Variants in NPFFR2 observed in about 807,000 individuals in gnomAD.
NPFFR2 encodes G-protein coupled receptor 74.
NPFFR2 carries 15 observed loss-of-function variants against 13.1 expected under a neutral mutation model. The observed-to-expected ratio is 1.15, with a 90% CI of 0.77 to 1.76. The LOEUF (loss-of-function observed/expected upper bound fraction) is 1.76, where lower values mean the gene tolerates loss of function less well. Among genes scored for constraint, NPFFR2 ranks in the 40% most tolerant of loss-of-function variants. NPFFR2 has a pLI of 0.00. For missense variants in NPFFR2, 572 were observed against 503.5 expected (o/e 1.14, Z -1.30); for synonymous variants, 190 against 175.7 (o/e 1.08, Z -0.65).
At chr4:72,061,509 G>A (rs7678974) in intron 1 of NPFFR2, among the ~76,000 whole-genome samples, 135,623 of 152,100 alleles carry the variant, frequency 0.89, 61,570 homozygotes, top group Non-Finnish European at 0.98. Flanking sequence ...TTGGCAGGGT[G>A]CCCAATTTCT....
intron 1 of NPFFR2, among the ~76,000 whole-genome samples, chr4:72,040,734 T>C (rs1719185533): frequency 6.6e-6 from 1 of 151,966 alleles, no homozygotes; most frequent in South Asian, 2.1e-4. Context: ...TTATATTAAA[T>C]TGATATGTTA....
At chr4:72,123,962 G>A (rs1721965998) in intron 1 of NPFFR2, among the ~76,000 whole-genome samples, 8 of 152,190 alleles carry the variant, frequency 5.3e-5, no homozygotes. Flanking sequence ...TAGGAAAGGA[G>A]GAAGTCAAAT....
rs138610130 is a variant in NPFFR2, at chr4:72,113,305, G to C, written c.-7-15280G>C. On this transcript the variant is annotated intron_variant, in intron 1 of 3. Coordinates refer to ENST00000308744, the MANE Select transcript of NPFFR2 (RefSeq NM_004885.3). ...TTATAAGCAATACATAGATTTTATT[G>C]TTCTTTGCTTGAAGGGAACTTATAG... Among the ~76,000 whole-genome samples the C allele has an allele frequency of 2.0e-5, 3 of 152,058 alleles. No individual in the cohort carries two copies. In the East Asian group the frequency reaches 5.8e-4, roughly 29 times the overall value.
intron 1 of NPFFR2, among the ~76,000 whole-genome samples, chr4:72,062,609 G>A (rs1719951499): frequency 6.6e-6 from 1 of 151,600 alleles, no homozygotes; most frequent in African/African-American, 2.4e-5. Flanking sequence ...CTTGCATAAA[G>A]ACGTGAAATC....
chr4:72,046,812 A>G (rs919872235), intron 1 of NPFFR2, among the ~76,000 whole-genome samples: 1 of 152,166 alleles, frequency 6.6e-6, no homozygotes, highest in Non-Finnish European at 1.5e-5. Context: ...AGATTACATA[A>G]GGGGTGGTGA....
Position 72,147,166 on chromosome 4 carries a change from G to T in NPFFR2, c.617G>T (p.Cys206Phe), listed in dbSNP as rs1722807515. The T allele has an allele frequency of 1.2e-6, 2 of 1,614,098 alleles. No homozygotes were observed. The highest frequency in any genetic ancestry group is 1.7e-6 in the Non-Finnish European group (2 of 1,180,002). Residue 206 changes from cysteine (C) to phenylalanine (F), a missense_variant, in exon 4 of 4, where the codon TGC becomes TTC. Coordinates refer to ENST00000308744, the MANE Select transcript of NPFFR2 (RefSeq NM_004885.3). Reference protein sequence around the residue: ...SQNKTSPVYWCREDWPNQEMR... With the variant: ...SQNKTSPVYWFREDWPNQEMR... ...AATAAAACCAGTCCAGTCTACTGGT[G>T]CCGGGAAGACTGGCCAAATCAGGAA...
At chr4:72,059,162 A>T (rs1719848445) in intron 1 of NPFFR2, among the ~76,000 whole-genome samples, 1 of 152,072 alleles carries the variant, frequency 6.6e-6, no homozygotes. Flanking sequence ...GCATCTCATG[A>T]ATTAGCTAAT....
chr4:72,137,902 A>C, intron 2 of NPFFR2, 138 bp from the exon 3 acceptor site: 1 of 647,744 alleles, frequency 1.5e-6, no homozygotes. Flanking sequence ...TAGGGGAAAT[A>C]CTGAGAAACA....
At chr4:72,078,715 A>G (rs1229048601) in intron 1 of NPFFR2, among the ~76,000 whole-genome samples, 3 of 152,146 alleles carry the variant, frequency 2.0e-5, no homozygotes, top group African/African-American at 7.2e-5. Context: ...AAATTGACAC[A>G]TACATCAGTG....
At chr4:72,090,133 T>C (rs1256598802) in intron 1 of NPFFR2, among the ~76,000 whole-genome samples, 1 of 152,168 alleles carries the variant, frequency 6.6e-6, no homozygotes, top group Non-Finnish European at 1.5e-5. Flanking sequence ...CAGTTGGCTT[T>C]AAGTATGTGG....
At chr4:72,090,219 A>C (rs1720880069) in intron 1 of NPFFR2, among the ~76,000 whole-genome samples, 1 of 152,240 alleles carries the variant, frequency 6.6e-6, no homozygotes, top group South Asian at 2.1e-4. Context: ...TGTTGTGGTG[A>C]CTATGGCCTT....
intron 1 of NPFFR2, among the ~76,000 whole-genome samples, chr4:72,034,893 T>C (rs1199608386): frequency 6.6e-6 from 1 of 152,228 alleles, no homozygotes; most frequent in Non-Finnish European, 1.5e-5. Flanking sequence ...GGGTCTTGTG[T>C]CCTTGCTTTG....
chr4:72,109,846 T>A (rs1455835717), intron 1 of NPFFR2, among the ~76,000 whole-genome samples: 1 of 151,998 alleles, frequency 6.6e-6, no homozygotes, highest in Non-Finnish European at 1.5e-5. Flanking sequence ...TCCATTAAGC[T>A]TTCCCCATCT....
chr4:72,072,620 G>A lies in NPFFR2; in HGVS notation c.-8+40420G>A, dbSNP rs1032157289. 4.6e-5 allele frequency among the ~76,000 whole-genome samples: 7 copies of A among 152,120 alleles called. No individual in the cohort carries two copies. In the East Asian group the frequency reaches 1.4e-3, roughly 29 times the overall value. ...ATATACATTATGAAAATCTCAGGGG[G>A]GAAGAGAAGGAGGAAGAGGAAGAGA... On this transcript the variant is annotated intron_variant, in intron 1 of 3. Coordinates refer to ENST00000308744, the MANE Select transcript of NPFFR2 (RefSeq NM_004885.3).
At chr4:72,139,375 G>A (rs1722522747) in intron 3 of NPFFR2, among the ~76,000 whole-genome samples, 2 of 152,056 alleles carry the variant, frequency 1.3e-5, no homozygotes, top group Non-Finnish European at 2.9e-5. Flanking sequence ...TTTCTTCTAG[G>A]TTTTTTATGG....
At chr4:72,095,173 T>A (rs894842459) in intron 1 of NPFFR2, among the ~76,000 whole-genome samples, 1 of 152,170 alleles carries the variant, frequency 6.6e-6, no homozygotes. Context: ...AGAAGACGAG[T>A]CCCAAATCCC....
chr4:72,087,709 T>A (rs867131883), intron 1 of NPFFR2, among the ~76,000 whole-genome samples: 1 of 152,016 alleles, frequency 6.6e-6, no homozygotes, highest in South Asian at 2.1e-4. Flanking sequence ...ACTTTGCTGC[T>A]TTTTAGAAAG....
At chr4:72,058,479 G>A (rs555502051) in intron 1 of NPFFR2, among the ~76,000 whole-genome samples, 1 of 151,994 alleles carries the variant, frequency 6.6e-6, no homozygotes, top group South Asian at 2.1e-4. Context: ...CTGGAACACT[G>A]ATGTGATATA....
Position 72,128,634 on chromosome 4 carries a change from C to T in NPFFR2, c.43C>T (p.Pro15Ser), listed in dbSNP as rs1722139590. Reference sequence around the variant, plus strand: ...CACAAACTCTTCAGAAAACTGGCATCCCATCTGGAATGTCAATGACACAAA... The same window carrying T: ...CACAAACTCTTCAGAAAACTGGCATTCCATCTGGAATGTCAATGACACAAA... ...WDTNSSENWH[P>S]IWNVNDTKHH... The change falls in exon 2 of 4, where the codon CCC (proline) becomes TCC (serine). Residue 15 changes from proline (P) to serine (S), a missense_variant. By Grantham distance (74) the Pro-to-Ser change is moderately conservative. Coordinates refer to ENST00000308744, the MANE Select transcript of NPFFR2 (RefSeq NM_004885.3). 2 of 1,611,698 alleles carry T rather than the reference C, an allele frequency of 1.2e-6. No individual in the cohort carries two copies. Among genetic ancestry groups the T allele is most frequent in the Non-Finnish European group, 1.7e-6 (2 of 1,178,182 alleles).
Sources: allele counts gnomAD v4.1 joint callset (sites outside exome capture counted in the v4.1 genomes callset), GRCh38; gene constraint gnomAD v4.1.1; transcripts MANE v1.5; gene names NCBI Gene and HGNC (gene_info 2026-07-23, HGNC 2026-07-21).